Variants in YIPF4 observed in about 807,000 individuals in gnomAD.
YIPF4 encodes the protein Yip1 domain family member 4.
Under a neutral mutation model 29.4 loss-of-function variants are expected in YIPF4, and 18 were observed. That is an observed-to-expected ratio of 0.61 (90% CI 0.42 to 0.91). The LOEUF (loss-of-function observed/expected upper bound fraction) is 0.91. Among genes scored for constraint, YIPF4 ranks in the 40% least tolerant of loss-of-function variants. The pLI, the probability that YIPF4 is intolerant of heterozygous loss-of-function variation, is 0.00. For synonymous variants in YIPF4, 115 were observed against 104.7 expected, an observed-to-expected ratio of 1.10 and a Z score of -0.60; for missense variants, 279 against 282.7, an observed-to-expected ratio of 0.99 and a Z score of 0.09.
chr2:32,302,702 G>A (rs1275868050), intron 5 of YIPF4, among the ~76,000 whole-genome samples: 1 of 152,190 alleles, frequency 6.6e-6, no homozygotes, highest in Admixed American at 6.5e-5. Context: ...ATATTACACA[G>A]TGAATATAAG....
intron 1 of YIPF4, among the ~76,000 whole-genome samples, chr2:32,286,040 CCTTT>C (rs758077394): frequency 1.3e-5 from 2 of 152,078 alleles, no homozygotes; most frequent in Non-Finnish European, 2.9e-5. Context: ...TTTTAGCCAA[CCTTT>C]CTTAGGGGAG....
Position 32,306,323 on chromosome 2 carries a change from C to G in YIPF4, c.*697C>G. ...TTTGTTTGGGTATACTTTTCAAAAC[C>G]ATTTTTGAATGTCCAAACATCTGAT... is the stretch of plus-strand genomic sequence containing the variant. On this transcript the variant is annotated 3_prime_UTR_variant, in exon 6 of 6. Coordinates refer to ENST00000238831, the MANE Select transcript of YIPF4 (RefSeq NM_032312.4). 2 of 985,538 alleles carry G rather than the reference C, an allele frequency of 2.0e-6. No homozygotes were observed. The highest frequency in any genetic ancestry group is 2.4e-6 in the Non-Finnish European group (2 of 829,840). 61.0% of individuals were successfully genotyped at this position (985,538 alleles called of 1,614,324 possible).
intron 1 of YIPF4, among the ~76,000 whole-genome samples, chr2:32,287,693 C>G (rs1282503712): frequency 6.6e-6 from 1 of 152,064 alleles, no homozygotes; most frequent in African/African-American, 2.4e-5. Flanking sequence ...AAGAAAAATT[C>G]CTGTTAAATT....
Position 32,313,849 on chromosome 2 carries a change from C to A in YIPF4, c.*8223C>A, listed in dbSNP as rs2031769266. On this transcript the variant is annotated 3_prime_UTR_variant, in exon 6 of 6. Coordinates refer to ENST00000238831, the MANE Select transcript of YIPF4 (RefSeq NM_032312.4). ...TCCCGAGTAGCTGGGATTACAGGCA[C>A]CCACTGCCACACTCGGCTAATTTTT... 1 of 152,192 alleles carries A rather than the reference C, an allele frequency of 6.6e-6. No individual in the cohort carries two copies. The highest frequency in any genetic ancestry group is 1.5e-5 in the Non-Finnish European group (1 of 68,126). 9.4% of individuals were successfully genotyped at this position (152,192 alleles called of 1,614,324 possible).
intron 2 of YIPF4, among the ~76,000 whole-genome samples, chr2:32,291,244 C>T (rs1457835586): frequency 6.6e-6 from 1 of 152,200 alleles, no homozygotes; most frequent in Non-Finnish European, 1.5e-5. Context: ...TGTTAATACA[C>T]CATATATCGG....
chr2:32,309,404 G>C lies in YIPF4; in HGVS notation c.*3778G>C, dbSNP rs1231883657. Reference sequence around the variant, plus strand: ...GAAACCTGAGAAACTCTGGTCCCAAGCATTTTGGAAAGGGTATACTCAATC... The same window carrying C: ...GAAACCTGAGAAACTCTGGTCCCAACCATTTTGGAAAGGGTATACTCAATC... On this transcript the variant is annotated 3_prime_UTR_variant, in exon 6 of 6. Coordinates refer to ENST00000238831, the MANE Select transcript of YIPF4 (RefSeq NM_032312.4). 1 of 152,126 alleles carries C rather than the reference G, an allele frequency of 6.6e-6. No individual in the cohort carries two copies. Among genetic ancestry groups the C allele is most frequent in the African/African-American group, 2.4e-5 (1 of 41,416 alleles). The allele number at this position is 152,126 out of a possible 1,614,324, so 9.4% of individuals were successfully genotyped here.
chr2:32,300,347 T>C (rs1167651838), intron 4 of YIPF4, among the ~76,000 whole-genome samples: 2 of 150,348 alleles, frequency 1.3e-5, no homozygotes, highest in Non-Finnish European at 2.9e-5. Flanking sequence ...GGCAGAAGAA[T>C]CTCTTGAACC....
chr2:32,300,689 G>T (rs751710413), intron 4 of YIPF4, among the ~76,000 whole-genome samples: 1 of 152,064 alleles, frequency 6.6e-6, no homozygotes, highest in Non-Finnish European at 1.5e-5. Flanking sequence ...ATGAAAATAT[G>T]TATCATTACG....
intron 1 of YIPF4, among the ~76,000 whole-genome samples, chr2:32,287,288 T>C (rs2030718380): frequency 6.6e-6 from 1 of 152,138 alleles, no homozygotes; most frequent in African/African-American, 2.4e-5. Flanking sequence ...TAATGAAATT[T>C]ATTAATATCT....
In YIPF4 at chr2:32,297,646, G is replaced by T. The variant is rs535995127; in HGVS notation, c.406-588G>T. On this transcript the variant is annotated intron_variant, in intron 3 of 5. Coordinates refer to ENST00000238831, the MANE Select transcript of YIPF4 (RefSeq NM_032312.4). ...TGACCAAATAACATAGCAAGACCTC[G>T]TCTCTATTAAATAAATACATAAATA... Among the ~76,000 whole-genome samples, 4 of 151,808 alleles carry T rather than the reference G, an allele frequency of 2.6e-5. No homozygotes were observed. The East Asian group carries it at 7.8e-4, about 30-fold the overall frequency.
Position 32,305,924 on chromosome 2 carries a change from A to G in YIPF4, c.*298A>G, listed in dbSNP as rs1287800556. On this transcript the variant is annotated 3_prime_UTR_variant, in exon 6 of 6. Transcript: ENST00000238831. ...GATATTCACCTAAAAACTTGTGCCA[A>G]AAGCACCTGGATTGGTAATTATATT... The G allele has an allele frequency of 9.8e-7, 1 of 1,024,060 alleles. No individual in the cohort carries two copies. The highest frequency in any genetic ancestry group is 1.2e-6 in the Non-Finnish European group (1 of 855,878). 63.4% of individuals were successfully genotyped at this position (1,024,060 alleles called of 1,614,324 possible).
Position 32,305,672 on chromosome 2 carries a change from T to TATATACAAGAATTCCCA in YIPF4, c.*47_*48insTATACAAGAATTCCCAA. On this transcript the variant is annotated 3_prime_UTR_variant, in exon 6 of 6. Coordinates refer to ENST00000238831, the MANE Select transcript of YIPF4 (RefSeq NM_032312.4). ...AAAAAGATGGTGTTAAATTTGTGTG[T>TATATACAAGAATTCCCA]AGGCTGGGAATTCTTGCTGAAGGAA... is the stretch of plus-strand genomic sequence containing the variant. The TATATACAAGAATTCCCA allele has an allele frequency of 7.1e-7, 1 of 1,412,646 alleles. No individual in the cohort carries two copies. The highest frequency in any genetic ancestry group is 9.3e-7 in the Non-Finnish European group (1 of 1,078,824). The allele number at this position is 1,412,646 out of a possible 1,614,324, so 87.5% of individuals were successfully genotyped here. A position where few individuals can be genotyped will look rare whatever the true frequency, so the allele number is the denominator to read the frequency against.
chr2:32,284,847 G>T (rs569937844), intron 1 of YIPF4, among the ~76,000 whole-genome samples: 1 of 152,158 alleles, frequency 6.6e-6, no homozygotes, highest in South Asian at 2.1e-4. Context: ...TGTGGCTAGG[G>T]TATAGAGTCC....
intron 1 of YIPF4, among the ~76,000 whole-genome samples, chr2:32,290,023 T>C (rs1207131518): frequency 6.6e-5 from 10 of 152,162 alleles, no homozygotes; most frequent in Non-Finnish European, 5.9e-5. Flanking sequence ...AGAAAAATTA[T>C]CTACGAATTT....
At chr2:32,278,483 C>G (rs1291973413) in intron 1 of YIPF4, among the ~76,000 whole-genome samples, 1 of 152,114 alleles carries the variant, frequency 6.6e-6, no homozygotes, top group African/African-American at 2.4e-5. Flanking sequence ...CGTCTGGTGG[C>G]TGGTTTTTCT....
intron 3 of YIPF4, among the ~76,000 whole-genome samples, chr2:32,293,717 G>T (rs577990969): frequency 6.6e-6 from 1 of 151,064 alleles, no homozygotes; most frequent in Non-Finnish European, 1.5e-5. Context: ...GCCGGGCGGG[G>T]GGCTGACCCC....
At chr2:32,293,404 G>C (rs930043093) in intron 3 of YIPF4, among the ~76,000 whole-genome samples, 15 of 152,182 alleles carry the variant, frequency 9.9e-5, no homozygotes, top group African/African-American at 3.4e-4. Flanking sequence ...CACAGGTTTG[G>C]GGGTAAGGTC....
In YIPF4 at chr2:32,294,749, C is replaced by T. The variant is rs551912221; in HGVS notation, c.405+2401C>T. On this transcript the variant is annotated intron_variant, in intron 3 of 5. Transcript: ENST00000238831. ...GGTGGAGGTTGTAGCGAGCCGAGAT[C>T]ACGCCACTGCACTCCAGCCTGGGCA... 5.5e-3 allele frequency among the ~76,000 whole-genome samples: 844 copies of T among 152,306 alleles called. 10 individuals are homozygous for T. Among genetic ancestry groups the T allele is most frequent in the South Asian group, 0.017 (83 of 4,824 alleles).
chr2:32,293,554 G>A (rs1369293518), intron 3 of YIPF4, among the ~76,000 whole-genome samples: 3 of 152,134 alleles, frequency 2.0e-5, no homozygotes, highest in Non-Finnish European at 4.4e-5. Context: ...CCCCCTTTCT[G>A]TTCCACAAAA....
Sources: allele counts gnomAD v4.1 joint callset (sites outside exome capture counted in the v4.1 genomes callset), GRCh38; gene constraint gnomAD v4.1.1; transcripts MANE v1.5; gene names NCBI Gene and HGNC (gene_info 2026-07-23, HGNC 2026-07-21).